Variants in STX8 observed in about 807,000 individuals in gnomAD.
STX8 encodes syntaxin-8.
STX8 carries 23 observed loss-of-function variants against 37.5 expected under a neutral mutation model. The observed-to-expected ratio is 0.61, with a 90% CI of 0.44 to 0.87. The LOEUF is 0.87. STX8 is among the 40% of genes least tolerant of loss of function. The pLI is 0.00. For synonymous variants in STX8, 115 were observed against 99.1 expected, an observed-to-expected ratio of 1.16 and a Z score of -0.95; for missense variants, 313 against 284.7, an observed-to-expected ratio of 1.10 and a Z score of -0.71.
intron 6 of STX8, among the ~76,000 whole-genome samples, chr17:9,390,109 T>C (rs984856195): frequency 3.3e-5 from 5 of 152,202 alleles, no homozygotes; most frequent in Non-Finnish European, 5.9e-5. Flanking sequence ...GAAATTCCCC[T>C]TGGCCACACT....
chr17:9,327,249 A>AAGG (rs1567784973), intron 7 of STX8, among the ~76,000 whole-genome samples: 3 of 150,224 alleles, frequency 2.0e-5, no homozygotes, highest in African/African-American at 7.4e-5. Flanking sequence ...ACAGAGGAGG[A>AAGG]AGGAGGAAGG....
intron 6 of STX8, among the ~76,000 whole-genome samples, chr17:9,398,591 T>C (rs1001857461): frequency 6.6e-6 from 1 of 152,166 alleles, no homozygotes. Context: ...TATCGGCCCA[T>C]TAATTGCACA....
intron 6 of STX8, among the ~76,000 whole-genome samples, chr17:9,382,605 C>T (rs1385253259): frequency 6.6e-6 from 1 of 152,088 alleles, no homozygotes; most frequent in African/African-American, 2.4e-5. Flanking sequence ...AAAAAGATGA[C>T]ACAACTATAT....
chr17:9,523,856 T>C (rs530343139), intron 4 of STX8, among the ~76,000 whole-genome samples: 35 of 152,326 alleles, frequency 2.3e-4, no homozygotes, highest in African/African-American at 7.9e-4. Flanking sequence ...GCAGCTGATA[T>C]ACAAAAATCC....
At position 9,361,592 on chromosome 17, in the gene STX8, G is replaced by A. The variant is rs550603023; in HGVS notation, c.643+16960C>T. On this transcript the variant is annotated intron_variant, in intron 7 of 7. Transcript: ENST00000306357. ...ATGCTTTGTACAGAATTACTAATTA[G>A]TGCAGCAAGGTATTAATTATTATAA... is the stretch of plus-strand genomic sequence containing the variant. Among the ~76,000 whole-genome samples the A allele has an allele frequency of 3.9e-5, 6 of 152,356 alleles. No homozygotes were observed. In the East Asian group the frequency reaches 1.2e-3, roughly 29 times the overall value.
chr17:9,347,976 T>G (rs997570807), intron 7 of STX8, among the ~76,000 whole-genome samples: 2 of 152,206 alleles, frequency 1.3e-5, no homozygotes, highest in African/African-American at 4.8e-5. Flanking sequence ...ACTTCATTCC[T>G]TTTTTGTGGT....
At chr17:9,282,461 C>T (rs749198337) in intron 7 of STX8, among the ~76,000 whole-genome samples, 3 of 152,176 alleles carry the variant, frequency 2.0e-5, no homozygotes, top group Non-Finnish European at 2.9e-5. Context: ...TATAATCCCT[C>T]CTCTTTGCCT....
At chr17:9,520,336 G>T (rs1905298646) in intron 4 of STX8, among the ~76,000 whole-genome samples, 1 of 152,184 alleles carries the variant, frequency 6.6e-6, no homozygotes, top group African/African-American at 2.4e-5. Flanking sequence ...ACTTGAAAGG[G>T]AATTTGGTCA....
intron 4 of STX8, among the ~76,000 whole-genome samples, chr17:9,523,248 G>A (rs1905427271): frequency 6.7e-6 from 1 of 149,088 alleles, no homozygotes; most frequent in South Asian, 2.1e-4. Context: ...GGAGGCAGAG[G>A]TTGCAGTGAG....
At chr17:9,548,780 A>G (rs1694099508) in intron 3 of STX8, among the ~76,000 whole-genome samples, 1 of 152,238 alleles carries the variant, frequency 6.6e-6, no homozygotes, top group African/African-American at 2.4e-5. Flanking sequence ...AAAAAACAGC[A>G]GCAGCAAGGA....
At chr17:9,361,772 C>G (rs1911071032) in intron 7 of STX8, among the ~76,000 whole-genome samples, 1 of 152,178 alleles carries the variant, frequency 6.6e-6, no homozygotes, top group African/African-American at 2.4e-5. Context: ...CTGGCAGGAG[C>G]TGGATGCCTC....
rs34845779 is a variant in STX8 at position 9,273,637 on chromosome 17, T to C, written c.644-22992A>G. Among the ~76,000 whole-genome samples the C allele has an allele frequency of 7.3e-3, 1,110 of 152,338 alleles. 8 individuals are homozygous for C. The highest frequency in any genetic ancestry group is 0.025 in the South Asian group (121 of 4,828). The stretch of plus-strand genomic sequence containing the variant: ...CATGGCGCTACGCAGGTTAACACTG[T>C]CTGACTTTGTCTTCGCAAAGAAAGA... On this transcript the variant is annotated intron_variant, in intron 7 of 7. Transcript: ENST00000306357.
chr17:9,298,275 G>A (rs1372183617), intron 7 of STX8, among the ~76,000 whole-genome samples: 1 of 152,224 alleles, frequency 6.6e-6, no homozygotes, highest in Non-Finnish European at 1.5e-5. Context: ...GTGAGCACAT[G>A]TGGAGCGTGA....
rs556718991 is a variant in STX8, at chr17:9,335,754, A to G, written c.643+42798T>C. ...CTAGATCTTTACCTCAAGAATTTCGAAAAATAAATTATAGTTACACTAATA... is the reference window on the plus strand; with the variant it reads ...CTAGATCTTTACCTCAAGAATTTCGGAAAATAAATTATAGTTACACTAATA... On this transcript the variant is annotated intron_variant, in intron 7 of 7. Transcript: ENST00000306357. Among the ~76,000 whole-genome samples the G allele has an allele frequency of 1.2e-4, 18 of 152,216 alleles. No homozygotes were observed. The South Asian group carries it at 3.5e-3, about 30-fold the overall frequency.
At chr17:9,463,363 G>A (rs1051548474) in intron 6 of STX8, among the ~76,000 whole-genome samples, 48 of 152,268 alleles carry the variant, frequency 3.2e-4, no homozygotes, top group African/African-American at 1.1e-3. Context: ...TGTTTGTTTC[G>A]CTATCACAGA....
intron 4 of STX8, among the ~76,000 whole-genome samples, chr17:9,534,421 A>G (rs191554740): frequency 2.0e-5 from 3 of 152,320 alleles, no homozygotes; most frequent in Admixed American, 1.3e-4. Flanking sequence ...AAGATTTAAC[A>G]CAATCCCAAT....
At chr17:9,566,833 T>C (rs1170208580) in intron 2 of STX8, among the ~76,000 whole-genome samples, 1 of 152,146 alleles carries the variant, frequency 6.6e-6, no homozygotes. Context: ...GTATGTTCAC[T>C]GCAGCACTAT....
chr17:9,505,915 C>T (rs529776361), intron 4 of STX8, among the ~76,000 whole-genome samples: 1 of 147,166 alleles, frequency 6.8e-6, no homozygotes, highest in South Asian at 2.2e-4. Context: ...GCACTGCAGC[C>T]TGGGTAGCGG....
At chr17:9,356,666 C>T (rs1205250282) in intron 7 of STX8, among the ~76,000 whole-genome samples, 1 of 152,224 alleles carries the variant, frequency 6.6e-6, no homozygotes, top group Non-Finnish European at 1.5e-5. Flanking sequence ...TCCCCATCTG[C>T]TTCTGGCAGC....
Sources: gnomAD v4.1 joint callset for allele counts (sites outside exome capture counted in the v4.1 genomes callset) on GRCh38, gnomAD v4.1.1 for gene constraint, MANE v1.5 for transcripts, NCBI Gene and HGNC (gene_info 2026-07-23, HGNC 2026-07-21) for gene names.